Variants in DLC1 observed in about 807,000 individuals in gnomAD.
DLC1 encodes rho GTPase-activating protein 7.
In DLC1, 54 loss-of-function variants were observed where a neutral mutation model predicts 140.3. The ratio of observed to expected loss-of-function variants is 0.38; its 90% CI spans 0.31 to 0.48. The LOEUF (loss-of-function observed/expected upper bound fraction) is 0.48, where lower values mean the gene tolerates loss of function less well. Among genes scored for constraint, DLC1 ranks in the 20% least tolerant of loss-of-function variants. The pLI is 0.96. For missense variants in DLC1, 2,536 were observed against 1,907.0 expected (o/e 1.33, Z -6.14); for synonymous variants, 986 against 728.1 (o/e 1.35, Z -5.70).
intron 2 of DLC1, among the ~76,000 whole-genome samples, chr8:13,436,729 G>C (rs1029219444): frequency 1.3e-5 from 2 of 152,188 alleles, no homozygotes; most frequent in Non-Finnish European, 2.9e-5. Flanking sequence ...CCATATAAAA[G>C]ATACTTGATG....
intron 2 of DLC1, among the ~76,000 whole-genome samples, chr8:13,412,164 T>A (rs1837809288): frequency 6.6e-6 from 1 of 152,174 alleles, no homozygotes; most frequent in Admixed American, 6.5e-5. Flanking sequence ...AAAGAGTCTA[T>A]TAATAGAAGA....
At chr8:13,284,207 C>T (rs867021342) in intron 5 of DLC1, among the ~76,000 whole-genome samples, 6 of 152,222 alleles carry the variant, frequency 3.9e-5, no homozygotes, top group Middle Eastern at 3.4e-3. Context: ...CTGCTTTGGA[C>T]CTATTAGCAG....
chr8:13,259,028 T>C (rs1830373229), intron 5 of DLC1, among the ~76,000 whole-genome samples: 1 of 150,720 alleles, frequency 6.6e-6, no homozygotes, highest in South Asian at 2.1e-4. Flanking sequence ...TCCCAGCTAC[T>C]CTGGAGGCTG....
intron 2 of DLC1, among the ~76,000 whole-genome samples, chr8:13,456,740 T>C (rs928193502): frequency 1.5e-4 from 23 of 152,232 alleles, no homozygotes; most frequent in Non-Finnish European, 2.8e-4. Context: ...ATTACAGGCA[T>C]GAGCCACCGT....
At chr8:13,594,967 A>T (rs1265312780) in intron 1 of DLC1, among the ~76,000 whole-genome samples, 2 of 151,590 alleles carry the variant, frequency 1.3e-5, no homozygotes, top group African/African-American at 4.8e-5. Context: ...TTTGATTCCT[A>T]TTTTCTTGTG....
At chr8:13,175,854 G>C (rs1825731636) in intron 5 of DLC1, among the ~76,000 whole-genome samples, 2 of 152,116 alleles carry the variant, frequency 1.3e-5, no homozygotes, top group African/African-American at 4.8e-5. Flanking sequence ...ACTCCCTCCT[G>C]CTTTCCTTCC....
intron 5 of DLC1, among the ~76,000 whole-genome samples, chr8:13,172,212 A>T (rs551384563): frequency 1.3e-5 from 2 of 152,314 alleles, no homozygotes; most frequent in Admixed American, 1.3e-4. Flanking sequence ...CTAGCCTTGT[A>T]TGGGTGCTTC....
At chr8:13,513,107 G>C (rs75649383) in intron 1 of DLC1, among the ~76,000 whole-genome samples, 1 of 151,866 alleles carries the variant, frequency 6.6e-6, no homozygotes, top group East Asian at 2.0e-4. Context: ...TCTGAATTAT[G>C]AATCAGGGCA....
chr8:13,589,683 T>C (rs576314255), intron 1 of DLC1, among the ~76,000 whole-genome samples: 93 of 82,982 alleles, frequency 1.1e-3, no homozygotes, highest in African/African-American at 3.1e-3. Flanking sequence ...CTATATAGAA[T>C]GCTCTGTTTT....
At chr8:13,316,648 G>T (rs547310431) in intron 4 of DLC1, among the ~76,000 whole-genome samples, 26 of 152,162 alleles carry the variant, frequency 1.7e-4, no homozygotes, top group South Asian at 8.3e-4. Context: ...CACTCGGCAC[G>T]ATTGCTTGGA....
At chr8:13,376,459 G>A (rs1214403535) in intron 4 of DLC1, among the ~76,000 whole-genome samples, 1 of 152,110 alleles carries the variant, frequency 6.6e-6, no homozygotes, top group African/African-American at 2.4e-5. Context: ...TCTATGAGGT[G>A]TAGAACCCCC....
At chr8:13,571,519 A>T (rs1804652189) in intron 1 of DLC1, among the ~76,000 whole-genome samples, 1 of 152,218 alleles carries the variant, frequency 6.6e-6, no homozygotes, top group South Asian at 2.1e-4. Flanking sequence ...TGTAGCATGT[A>T]TCAGAACCTC....
At chr8:13,124,431 C>A (rs376575081) in intron 5 of DLC1, among the ~76,000 whole-genome samples, 1 of 152,100 alleles carries the variant, frequency 6.6e-6, no homozygotes, top group Non-Finnish European at 1.5e-5. Context: ...ACAATACAGA[C>A]CAAAAAGCAG....
intron 5 of DLC1, among the ~76,000 whole-genome samples, chr8:13,179,295 G>C (rs912783081): frequency 6.6e-6 from 1 of 151,820 alleles, no homozygotes; most frequent in African/African-American, 2.4e-5. Flanking sequence ...GGAAGGGATC[G>C]TCTGCAGAGT....
intron 1 of DLC1, among the ~76,000 whole-genome samples, chr8:13,601,141 G>A (rs1309261006): frequency 6.6e-6 from 1 of 151,628 alleles, no homozygotes; most frequent in Non-Finnish European, 1.5e-5. Flanking sequence ...GTGTCAAGCA[G>A]TTCTAACATA....
intron 13 of DLC1, 84 bp from the exon 14 acceptor site, chr8:13,091,516 G>C: frequency 7.8e-7 from 1 of 1,284,234 alleles, no homozygotes; most frequent in Admixed American, 2.6e-5. Context: ...ACCCAAAGAA[G>C]AGAGAAAAAA....
At position 13,221,511 on chromosome 8, in the gene DLC1, C is replaced by T. The variant is rs142532864; in HGVS notation, c.1348+83758G>A. ...TCAGCCTCCTGAGTAGCTGGGACTA[C>T]AGGCATGCACCACCACGCCCAGCTA... On this transcript the variant is annotated intron_variant, in intron 5 of 17. Transcript: ENST00000276297. Among the ~76,000 whole-genome samples the T allele has an allele frequency of 4.1e-3, 614 of 151,474 alleles. 7 individuals are homozygous for T. The highest frequency in any genetic ancestry group is 0.014 in the African/African-American group (589 of 41,336).
intron 2 of DLC1, among the ~76,000 whole-genome samples, chr8:13,448,197 G>A (rs927790130): frequency 6.6e-6 from 1 of 152,122 alleles, no homozygotes; most frequent in Non-Finnish European, 1.5e-5. Flanking sequence ...TCTGTTCATG[G>A]GATGTCCCTG....
intron 5 of DLC1, chr8:13,214,758 CT>C: frequency 1.3e-6 from 1 of 780,880 alleles, no homozygotes; most frequent in East Asian, 2.4e-5. Context: ...CCACTTCCAA[CT>C]TTACTGATTT....
Sources: allele counts gnomAD v4.1 joint callset (sites outside exome capture counted in the v4.1 genomes callset), GRCh38; gene constraint gnomAD v4.1.1; transcripts MANE v1.5; gene names NCBI Gene and HGNC (gene_info 2026-07-23, HGNC 2026-07-21).